ACOT12: variants seen among roughly 807,000 people sequenced by gnomAD.
ACOT12 encodes acyl-CoA thioesterase 12.
ACOT12 carries 51 observed loss-of-function variants against 67.7 expected under a neutral mutation model. That is an observed-to-expected ratio of 0.75 (90% CI 0.60 to 0.95). The LOEUF is 0.95. Ranked by LOEUF, ACOT12 falls within the 40% of genes least tolerant of loss-of-function variation. The pLI is 0.00. For synonymous variants in ACOT12, 251 were observed against 244.6 expected (o/e 1.03, Z -0.24); for missense variants, 734 against 708.1 (o/e 1.04, Z -0.41).
chr5:81,361,417 T>G (rs527830355), intron 4 of ACOT12, among the ~76,000 whole-genome samples: 1 of 152,030 alleles, frequency 6.6e-6, no homozygotes, highest in East Asian at 1.9e-4. Flanking sequence ...CCCAGGCTGG[T>G]CTCAAACTTC....
chr5:81,359,845 A>G, intron 5 of ACOT12, 58 bp downstream of exon 5: 1 of 1,530,818 alleles, frequency 6.5e-7, no homozygotes, highest in Non-Finnish European at 8.9e-7. Context: ...CTCTAAGAAA[A>G]GACTCCTTTG....
the ACOT12 span, among the ~76,000 whole-genome samples, chr5:81,318,916 G>T: frequency 6.6e-6 from 1 of 152,156 alleles, no homozygotes; most frequent in Admixed American, 6.5e-5. Context: ...AGTTTTCTGG[G>T]GATGTTTGTT....
At chr5:81,381,192 G>T (rs1760573879) in intron 2 of ACOT12, among the ~76,000 whole-genome samples, 1 of 151,836 alleles carries the variant, frequency 6.6e-6, no homozygotes, top group African/African-American at 2.4e-5. Context: ...TCAGCTTCCC[G>T]AATAGCTGGG....
chr5:81,340,393 A>G (rs1281919563), intron 11 of ACOT12, among the ~76,000 whole-genome samples: 1 of 150,248 alleles, frequency 6.7e-6, no homozygotes, highest in Non-Finnish European at 1.5e-5. Context: ...ATGGAGTCTC[A>G]CTCTGTTGCC....
chr5:81,392,805 G>C (rs1240805611), intron 1 of ACOT12, among the ~76,000 whole-genome samples: 1 of 152,080 alleles, frequency 6.6e-6, no homozygotes, highest in Non-Finnish European at 1.5e-5. Flanking sequence ...TGGAGGCAGG[G>C]AAGTTCCAAA....
At chr5:81,377,368 C>A (rs1017273386) in intron 2 of ACOT12, among the ~76,000 whole-genome samples, 2 of 152,210 alleles carry the variant, frequency 1.3e-5, no homozygotes, top group Admixed American at 1.3e-4. Flanking sequence ...TTATGAGAAA[C>A]CCACAGCCAA....
At chr5:81,343,050 T>C (rs779236717) in intron 10 of ACOT12, among the ~76,000 whole-genome samples, 2 of 151,992 alleles carry the variant, frequency 1.3e-5, no homozygotes, top group Non-Finnish European at 2.9e-5. Flanking sequence ...GGTGTTGTAG[T>C]GCAAACTTGT....
At chr5:81,319,527 G>A in the ACOT12 span, among the ~76,000 whole-genome samples, 39 of 152,264 alleles carry the variant, frequency 2.6e-4, no homozygotes, top group South Asian at 7.9e-3. Flanking sequence ...AGACCAGCCT[G>A]ACCAACATGG....
intron 3 of ACOT12, among the ~76,000 whole-genome samples, chr5:81,371,275 CAA>C (rs906531888): frequency 2.0e-5 from 3 of 152,154 alleles, no homozygotes; most frequent in East Asian, 1.9e-4. Context: ...TCTTAAGAGA[CAA>C]AGTCTTGCTA....
At chr5:81,319,618 G>A in the ACOT12 span, among the ~76,000 whole-genome samples, 13 of 151,956 alleles carry the variant, frequency 8.6e-5, no homozygotes, top group Admixed American at 4.6e-4. Context: ...TTGGGTGGCC[G>A]AGGCAGGAGA....
chr5:81,371,861 C>CAGACTTA, intron 2 of ACOT12, 51 bp from the exon 3 acceptor site: 1 of 1,510,050 alleles, frequency 6.6e-7, no homozygotes, highest in South Asian at 1.1e-5. Context: ...CATTTCATTT[C>CAGACTTA]AGATAAGACT....
chr5:81,379,589 C>G (rs887304032), intron 2 of ACOT12, among the ~76,000 whole-genome samples: 1 of 152,114 alleles, frequency 6.6e-6, no homozygotes, highest in African/African-American at 2.4e-5. Context: ...CCATTTCATT[C>G]CCATCAGGAA....
At chr5:81,326,281 C>T (rs942296222), downstream of ACOT12, among the ~76,000 whole-genome samples, 4 of 151,908 alleles carry the variant, frequency 2.6e-5, no homozygotes, top group African/African-American at 9.7e-5. Flanking sequence ...CATGCCACCA[C>T]GTCTGGCTAA....
intron 5 of ACOT12, among the ~76,000 whole-genome samples, chr5:81,349,421 C>G (rs561842398): frequency 1.8e-4 from 27 of 152,268 alleles, no homozygotes; most frequent in African/African-American, 6.5e-4. Flanking sequence ...TCTTTTTTCA[C>G]TTCCTCTGAG....
At chr5:81,317,159 G>A in the ACOT12 span, among the ~76,000 whole-genome samples, 5 of 152,130 alleles carry the variant, frequency 3.3e-5, no homozygotes, top group Non-Finnish European at 7.4e-5. Context: ...GTATTAGTCC[G>A]TTCCCACACT....
intron 11 of ACOT12, among the ~76,000 whole-genome samples, chr5:81,337,257 C>T (rs929642589): frequency 5.3e-5 from 8 of 152,180 alleles, no homozygotes; most frequent in Non-Finnish European, 7.4e-5. Context: ...GGCAGGTGGC[C>T]AGGGTGAACT....
chr5:81,379,256 C>T (rs1323341924), intron 2 of ACOT12, among the ~76,000 whole-genome samples: 2 of 145,382 alleles, frequency 1.4e-5, no homozygotes, highest in African/African-American at 2.6e-5. Flanking sequence ...CGCATGTTCT[C>T]ACTTGTAAGT....
At chr5:81,386,994 CATT>C (rs1474104897) in intron 1 of ACOT12, among the ~76,000 whole-genome samples, 44 of 128,468 alleles carry the variant, frequency 3.4e-4, no homozygotes, top group South Asian at 4.9e-4. Flanking sequence ...GGATGAGTTC[CATT>C]TTTTTTTTTT....
downstream of ACOT12, among the ~76,000 whole-genome samples, chr5:81,326,117 C>CTTTTTTTTT (rs1199895738): frequency 1.3e-4 from 10 of 77,044 alleles, no homozygotes; most frequent in Admixed American, 2.0e-4. Flanking sequence ...CCCTGAGATT[C>CTTTTTTTTT]TTTTTTTTTT....
Sources: allele counts gnomAD v4.1 joint callset (sites outside exome capture counted in the v4.1 genomes callset), GRCh38; gene constraint gnomAD v4.1.1; transcripts MANE v1.5; gene names NCBI Gene and HGNC (gene_info 2026-07-23, HGNC 2026-07-21).